GARNL3: variants seen among roughly 807,000 people sequenced by gnomAD.
The protein encoded by GARNL3 is GTPase-activating Rap/Ran-GAP domain-like protein 3.
A neutral mutation model predicts 125.0 loss-of-function variants in GARNL3; 63 were observed. The observed-to-expected ratio is 0.50, with a 90% CI of 0.41 to 0.62. GARNL3 has a LOEUF of 0.62. Ranked by LOEUF, GARNL3 falls within the 20% of genes least tolerant of loss-of-function variation. GARNL3 has a pLI of 0.00. For synonymous variants in GARNL3, 439 were observed against 457.5 expected (o/e 0.96, Z 0.52); for missense variants, 994 against 1,244.0 (o/e 0.80, Z 3.02).
chr9:127,392,789 G>A lies in GARNL3; in HGVS notation c.2871-294G>A, dbSNP rs1022465181. On this transcript the variant is annotated intron_variant, in intron 27 of 27. Coordinates refer to ENST00000373387, the MANE Select transcript of GARNL3 (RefSeq NM_032293.5). The surrounding 1 kb of genome is among the most constrained non-coding windows in gnomAD (Gnocchi z 5.2). The stretch of plus-strand genomic sequence containing the variant: ...TTTCAGCCTGATCCTCAGGCCCTGG[G>A]CACCCATGGGAGGGTTTTAGGCAGG... Among the ~76,000 whole-genome samples, 1 of 152,200 alleles carries A rather than the reference G, an allele frequency of 6.6e-6. No individual in the cohort carries two copies. The highest frequency in any genetic ancestry group is 2.4e-5 in the African/African-American group (1 of 41,446).
chr9:127,376,103 G>A (rs1831889834), intron 22 of GARNL3, among the ~76,000 whole-genome samples: 1 of 152,078 alleles, frequency 6.6e-6, no homozygotes, highest in Non-Finnish European at 1.5e-5. Flanking sequence ...GGGATTACAG[G>A]CACACACCAC....
intron 1 of GARNL3, among the ~76,000 whole-genome samples, chr9:127,287,913 C>T (rs1411846920): frequency 6.6e-6 from 1 of 152,204 alleles, no homozygotes; most frequent in Non-Finnish European, 1.5e-5. Flanking sequence ...TTTCCAGGGC[C>T]AGTATAGGTC....
intron 22 of GARNL3, among the ~76,000 whole-genome samples, chr9:127,379,552 C>A (rs984445024): frequency 6.6e-6 from 1 of 152,184 alleles, no homozygotes; most frequent in African/African-American, 2.4e-5. Context: ...TTAATGGACA[C>A]AGCCTGTGTA....
chr9:127,379,951 G>T (rs867642075), intron 22 of GARNL3, among the ~76,000 whole-genome samples: 3 of 152,126 alleles, frequency 2.0e-5, no homozygotes, highest in Admixed American at 1.3e-4. Context: ...AGGCCAAAGC[G>T]GGTGGATCAC....
chr9:127,320,607 T>A (rs2065369620), intron 5 of GARNL3, 108 bp from the exon 6 acceptor site: 1 of 702,330 alleles, frequency 1.4e-6, no homozygotes, highest in South Asian at 1.8e-5. Context: ...CATTTGTTGA[T>A]TTGTATCTTC....
chr9:127,293,524 G>A (rs2064490825), intron 2 of GARNL3, among the ~76,000 whole-genome samples: 1 of 152,056 alleles, frequency 6.6e-6, no homozygotes, highest in Admixed American at 6.6e-5. Context: ...TCATGTCCGA[G>A]AAACCATTGC....
At chr9:127,225,482 C>T (rs2062891601) in intron 1 of GARNL3, 1 of 582,578 alleles carries the variant, frequency 1.7e-6, no homozygotes, top group Non-Finnish European at 2.2e-6. Context: ...GACAGCGGGG[C>T]GAGGCCGTGG....
chr9:127,340,114 G>A (rs990241364), intron 13 of GARNL3, among the ~76,000 whole-genome samples: 1 of 151,906 alleles, frequency 6.6e-6, no homozygotes, highest in African/African-American at 2.4e-5. Context: ...GAGTGGTTGT[G>A]GGTATATGCT....
chr9:127,264,509 G>A (rs1450351477), upstream of GARNL3: 1 of 1,000,204 alleles, frequency 1.0e-6, no homozygotes. Context: ...AAATAATGCT[G>A]GTTATTTTTA....
chr9:127,288,913 G>T (rs1166666390), intron 1 of GARNL3, among the ~76,000 whole-genome samples: 1 of 152,154 alleles, frequency 6.6e-6, no homozygotes, highest in Non-Finnish European at 1.5e-5. Flanking sequence ...AGTAAGGGGA[G>T]GGTGTGTCCC....
At chr9:127,333,251 C>T in intron 9 of GARNL3, 130 bp downstream of exon 9, 1 of 690,784 alleles carries the variant, frequency 1.4e-6, no homozygotes. Context: ...AGGTGAGCTC[C>T]ACACCCTGTT....
chr9:127,375,660 C>T (rs986296525), intron 22 of GARNL3, among the ~76,000 whole-genome samples: 39 of 152,144 alleles, frequency 2.6e-4, no homozygotes, highest in African/African-American at 9.2e-4. Context: ...GAAGATCATT[C>T]CTCTTCCTTT....
At chr9:127,353,522 C>A in intron 17 of GARNL3, 3 of 209,578 alleles carry the variant, frequency 1.4e-5, no homozygotes, top group South Asian at 1.5e-4. Flanking sequence ...GCCTTTGGTA[C>A]AACCCTAGTA....
chr9:127,229,950 C>T (rs577609754), intron 1 of GARNL3, among the ~76,000 whole-genome samples: 1 of 152,354 alleles, frequency 6.6e-6, no homozygotes, highest in South Asian at 2.1e-4. Flanking sequence ...AACTAGCCTG[C>T]AGACACAGCA....
chr9:127,233,023 G>A (rs961968965), intron 1 of GARNL3, among the ~76,000 whole-genome samples: 20 of 151,716 alleles, frequency 1.3e-4, no homozygotes, highest in African/African-American at 3.9e-4. Flanking sequence ...ACTGCACTCC[G>A]GCCTGGGTGA....
chr9:127,249,634 A>C (rs1320473856), intron 2 of GARNL3, among the ~76,000 whole-genome samples: 3 of 152,218 alleles, frequency 2.0e-5, no homozygotes, highest in African/African-American at 7.2e-5. Context: ...TTGCAGCATC[A>C]TTAGTAATAG....
intron 2 of GARNL3, among the ~76,000 whole-genome samples, chr9:127,255,062 T>C (rs143619779): frequency 3.9e-5 from 6 of 152,280 alleles, no homozygotes; most frequent in Admixed American, 3.3e-4. Flanking sequence ...AGAGGGTAAA[T>C]TGGCGTACTC....
chr9:127,331,720 C>CTTTTTTTTTTTTTTTTTTTTTT (rs60448026), intron 7 of GARNL3, among the ~76,000 whole-genome samples: 5 of 74,410 alleles, frequency 6.7e-5, no homozygotes, highest in African/African-American at 1.4e-4. Flanking sequence ...CTTGGGCTTG[C>CTTTTTTTTTTTTTTTTTTTTTT]TTTTTTTTTT....
chr9:127,339,682 G>A lies in GARNL3; in HGVS notation c.1066G>A (p.Gly356Ser). The A allele has an allele frequency of 6.2e-7, 1 of 1,613,646 alleles. No individual in the cohort carries two copies. Among genetic ancestry groups the A allele is most frequent in the Non-Finnish European group, 8.5e-7 (1 of 1,179,558 alleles). The change falls in exon 13 of 28, where the codon GGC (glycine) becomes AGC (serine). Residue 356 changes from glycine (G) to serine (S), a missense_variant. Physicochemically the swap from Gly to Ser is moderately conservative, Grantham distance 56. Around this residue, in one of 5 missense-constraint regions of GARNL3, gnomAD observed 728 missense variants for 865.7 expected, o/e 0.84. Coordinates refer to ENST00000373387, the MANE Select transcript of GARNL3 (RefSeq NM_032293.5). ...IFSEESVPLF[G>S]PPLPTPPVFT... is the part of the protein sequence containing the mutation. Reference sequence around the variant, plus strand: ...TTCAGAAGAGAGCGTACCACTCTTTGGCCCTCCCTTGCCAACTCCACCAGT... The same window carrying A: ...TTCAGAAGAGAGCGTACCACTCTTTAGCCCTCCCTTGCCAACTCCACCAGT...
Sources: gnomAD v4.1 joint callset for allele counts (sites outside exome capture counted in the v4.1 genomes callset) on GRCh38, gnomAD v4.1.1 for gene constraint, gnomAD v4.1.1 regional missense constraint, Gnocchi (gnomAD v3.1) non-coding constraint, MANE v1.5 for transcripts, NCBI Gene and HGNC (gene_info 2026-07-23, HGNC 2026-07-21) for gene names.